ZBTB25: variants seen among roughly 807,000 people sequenced by gnomAD.
The protein encoded by ZBTB25 is zinc finger and BTB domain-containing protein 25.
In ZBTB25, 20 loss-of-function variants were observed where a neutral mutation model predicts 34.2. The ratio of observed to expected loss-of-function variants is 0.58; its 90% confidence interval spans 0.41 to 0.85. ZBTB25 has a LOEUF of 0.85. Ranked by LOEUF, ZBTB25 falls within the 40% of genes least tolerant of loss-of-function variation. ZBTB25 has a pLI of 0.00. For synonymous variants in ZBTB25, 175 were observed against 186.4 expected (o/e 0.94, Z 0.50); for missense variants, 437 against 521.8 (o/e 0.84, Z 1.58).
chr14:64,472,174 A>C (rs888092456), intron 2 of ZBTB25: 4 of 167,098 alleles, frequency 2.4e-5, no homozygotes, highest in African/African-American at 9.6e-5. Context: ...TTAACTCACT[A>C]TATGTGGTGC....
chr14:64,485,611 A>G lies in ZBTB25; in HGVS notation c.*1312T>C, dbSNP rs2078849745. ...AGGAAAAGCTAACATCATGGATCTTAAATGTAGTTATAGAACACTGAATGT... is the reference window on the plus strand; with the variant it reads ...AGGAAAAGCTAACATCATGGATCTTGAATGTAGTTATAGAACACTGAATGT... On this transcript the variant is annotated 3_prime_UTR_variant, in exon 3 of 3. Coordinates refer to ENST00000608382, the MANE Select transcript of ZBTB25 (RefSeq NM_006977.5). 1 of 985,246 alleles carries G rather than the reference A, an allele frequency of 1.0e-6. No homozygotes were observed. The highest frequency in any genetic ancestry group is 1.2e-6 in the Non-Finnish European group (1 of 829,894). The allele number at this position is 985,246 out of a possible 1,614,324, so 61.0% of individuals were successfully genotyped here.
chr14:64,459,423 C>T (rs2078526867), intron 2 of ZBTB25, among the ~76,000 whole-genome samples: 1 of 152,132 alleles, frequency 6.6e-6, no homozygotes, highest in African/African-American at 2.4e-5. Flanking sequence ...AAAACAAAAG[C>T]TCTTGCATTA....
chr14:64,487,810 C>T lies in ZBTB25; in HGVS notation c.421G>A (p.Val141Ile). Residue 141 changes from valine (V) to isoleucine (I), a missense_variant, in exon 3 of 3, where the codon GTC becomes ATC. Val to Ile is a conservative substitution (Grantham distance 29). Coordinates refer to ENST00000608382, the MANE Select transcript of ZBTB25 (RefSeq NM_006977.5). ...IQISTTQKTV[V>I]KQGLEVKEAP... ...TCTTTGACCTCCAGTCCTTGTTTGA[C>T]AACTGTTTTTTGGGTTGTTGAGATC... is the stretch of plus-strand genomic sequence containing the variant. 1 of 1,614,172 alleles carries T rather than the reference C, an allele frequency of 6.2e-7. No individual in the cohort carries two copies.
intron 2 of ZBTB25, chr14:64,454,819 A>G (rs2078439536): frequency 1.2e-6 from 2 of 1,614,210 alleles, no homozygotes; most frequent in South Asian, 1.1e-5. Flanking sequence ...CATTCTGCCC[A>G]TTCGCGACAT....
rs368999895 is a variant in ZBTB25 at position 64,490,344 on chromosome 14, C to G, written c.173+17G>C. The G allele has an allele frequency of 2.7e-6, 4 of 1,477,342 alleles. No homozygotes were observed. The South Asian group carries it at 5.5e-5, about 20-fold the overall frequency. 91.5% of individuals were successfully genotyped at this position (1,477,342 alleles called of 1,614,324 possible). The stretch of plus-strand genomic sequence containing the variant: ...TCACAATATTAAAAATTCTTATTTA[C>G]AAAAACACATCCTTACCTTGTTTGG... On this transcript the variant is annotated intron_variant, in intron 2 of 2. Coordinates refer to ENST00000608382, the MANE Select transcript of ZBTB25 (RefSeq NM_006977.5).
chr14:64,456,656 T>A (rs2078478980), intron 2 of ZBTB25, among the ~76,000 whole-genome samples: 1 of 152,342 alleles, frequency 6.6e-6, no homozygotes, highest in South Asian at 2.1e-4. Flanking sequence ...TTCTGCTGTG[T>A]CTAAGGACCC....
intron 2 of ZBTB25, chr14:64,469,744 A>T: frequency 8.4e-7 from 1 of 1,184,800 alleles, no homozygotes; most frequent in African/African-American, 1.5e-5. Context: ...CATTTGTGGC[A>T]TTTCTTACTC....
intron 1 of ZBTB25, among the ~76,000 whole-genome samples, chr14:64,494,104 A>G (rs1294541016): frequency 6.6e-6 from 1 of 152,234 alleles, no homozygotes; most frequent in African/African-American, 2.4e-5. Context: ...GAATCTTTGG[A>G]AAACAGAAAA....
chr14:64,493,467 A>T (rs1190405507), intron 1 of ZBTB25, among the ~76,000 whole-genome samples: 1 of 152,266 alleles, frequency 6.6e-6, no homozygotes, highest in African/African-American at 2.4e-5. Flanking sequence ...AATACTAGGC[A>T]TTATCATCAT....
chr14:64,473,040 G>C (rs1428014569), intron 2 of ZBTB25: 1 of 166,962 alleles, frequency 6.0e-6, no homozygotes, highest in Non-Finnish European at 1.5e-5. Context: ...TTAGCTACTT[G>C]TTAACTTTTT....
Position 64,480,322 on chromosome 14 carries a change from CAAA to C in ZBTB25, c.*6598_*6600del, listed in dbSNP as rs745930738. On this transcript the variant is annotated 3_prime_UTR_variant, in exon 3 of 3. Transcript: ENST00000608382. ...TGGGCAACAGAGCAAGACTCCATCT[CAAA>C]AAAAAAAAAAAAAAAAAAAAAGAAG... 0.043 allele frequency: 8,777 copies of C among 203,496 alleles called. 42 individuals carry two copies. Among genetic ancestry groups the C allele is most frequent in the African/African-American group, 0.13 (2,374 of 18,488 alleles). The allele number at this position is 203,496 out of a possible 1,614,324, so 12.6% of individuals were successfully genotyped here.
chr14:64,454,785 G>A lies in ZBTB25; in HGVS notation c.174-5147C>T, dbSNP rs145762961. 2.4e-4 allele frequency: 386 copies of A among 1,614,052 alleles called. 1 individual carries two copies. Among genetic ancestry groups the A allele is most frequent in the East Asian group, 3.3e-4 (15 of 44,872 alleles). On this transcript the variant is annotated intron_variant, in intron 2 of 2. Transcript: ENST00000555220. Reference sequence around the variant, plus strand: ...ACTTGTCTTTGTCTCACAACCCAGAGCAAAAAGGTGTCCCTACAGGCTTCA... The same window carrying A: ...ACTTGTCTTTGTCTCACAACCCAGAACAAAAAGGTGTCCCTACAGGCTTCA...
rs753129203 is a variant in ZBTB25 at position 64,487,347 on chromosome 14, C to T, written c.884G>A (p.Arg295His). ...CTTAACAATGAAGGAGCTGAGCCTG[C>T]GGCATTCAAGGGCCTCGCTGTTTTC... ...LNENSEALEC[R>H]RLSSFIVKEN... The change falls in exon 3 of 3, where the codon CGC (arginine) becomes CAC (histidine). Residue 295 changes from arginine to histidine, a missense_variant. Physicochemically the swap from Arg to His is conservative, Grantham distance 29. Coordinates refer to ENST00000608382, the MANE Select transcript of ZBTB25 (RefSeq NM_006977.5). 4.8e-5 allele frequency: 77 copies of T among 1,613,824 alleles called. No individual in the cohort carries two copies. Among genetic ancestry groups the T allele is most frequent in the Admixed American group, 2.3e-4 (14 of 59,948 alleles).
intron 2 of ZBTB25, among the ~76,000 whole-genome samples, chr14:64,459,270 T>TCA (rs1200394596): frequency 1.3e-5 from 2 of 152,196 alleles, no homozygotes; most frequent in African/African-American, 2.4e-5. Context: ...AACTGAACCC[T>TCA]CATTTGGACA....
upstream of ZBTB25, chr14:64,505,114 GC>G: frequency 2.9e-6 from 1 of 347,916 alleles, no homozygotes. Flanking sequence ...CTGCCAGGCC[GC>G]CTGCTTGTTG....
At chr14:64,495,991 G>A (rs539035470) in intron 1 of ZBTB25, among the ~76,000 whole-genome samples, 1 of 151,504 alleles carries the variant, frequency 6.6e-6, no homozygotes, top group South Asian at 2.1e-4. Context: ...CAAGTTTATA[G>A]TTATCTGCAG....
At chr14:64,503,287 G>C (rs1462218912) in intron 1 of ZBTB25, 5 of 985,332 alleles carry the variant, frequency 5.1e-6, no homozygotes, top group African/African-American at 3.5e-5. Context: ...TCGCCCGCTC[G>C]TAAGAGGGGT....
chr14:64,459,895 C>G lies in ZBTB25; in HGVS notation c.174-10257G>C, dbSNP rs1385520831. The G allele has an allele frequency of 9.8e-6, 15 of 1,535,860 alleles. No individual in the cohort carries two copies. In the East Asian group the frequency reaches 3.7e-4, roughly 38 times the overall value. On this transcript the variant is annotated intron_variant, in intron 2 of 2. Transcript: ENST00000555220. ...GATCTGAAACTAATAGTAGGAGTTT[C>G]CCCAGAAGTCATTTTCAGCCTTAAT...
At chr14:64,491,618 C>T (rs1031231796) in intron 1 of ZBTB25, among the ~76,000 whole-genome samples, 1 of 152,152 alleles carries the variant, frequency 6.6e-6, no homozygotes, top group Admixed American at 6.6e-5. Context: ...GCCAAGAAGC[C>T]GAGTATAAGC....
Sources: allele counts gnomAD v4.1 joint callset (sites outside exome capture counted in the v4.1 genomes callset), GRCh38; gene constraint gnomAD v4.1.1; transcripts MANE v1.5; gene names NCBI Gene and HGNC (gene_info 2026-07-23, HGNC 2026-07-21).